The following LINS1 variants were observed in gnomAD, a reference collection of about 807,000 sequenced individuals.
LINS1 encodes the protein lines homolog 1, also known as protein Lines homolog 1.
A neutral mutation model predicts 41.6 loss-of-function variants in LINS1; 27 were observed. The observed-to-expected ratio is 0.65, with a 90% confidence interval of 0.48 to 0.89. The LOEUF is 0.89. Among genes scored for constraint, LINS1 ranks in the 40% least tolerant of loss-of-function variants. LINS1 has a pLI of 0.00. For missense variants in LINS1, 955 were observed against 884.1 expected, an observed-to-expected ratio of 1.08 and a Z score of -1.02; for synonymous variants, 336 against 312.9, an observed-to-expected ratio of 1.07 and a Z score of -0.78.
At chr15:100,597,371 A>C (rs924424557) in intron 1 of LINS1, among the ~76,000 whole-genome samples, 2 of 152,192 alleles carry the variant, frequency 1.3e-5, no homozygotes, top group Non-Finnish European at 2.9e-5. Context: ...ATAATTCTCA[A>C]ACCGTAGCAT....
intron 3 of LINS1, among the ~76,000 whole-genome samples, chr15:100,578,717 C>T (rs1278587721): frequency 2.0e-5 from 3 of 152,312 alleles, no homozygotes; most frequent in Non-Finnish European, 2.9e-5. Flanking sequence ...TATAAAGACA[C>T]ATGCACACAT....
intron 1 of LINS1, among the ~76,000 whole-genome samples, chr15:100,591,083 G>A (rs979692913): frequency 6.6e-6 from 1 of 152,062 alleles, no homozygotes; most frequent in Non-Finnish European, 1.5e-5. Context: ...AGGCTGAGGT[G>A]GGAGAATCAC....
At chr15:100,585,674 A>G (rs574851125) in intron 1 of LINS1, among the ~76,000 whole-genome samples, 2 of 152,288 alleles carry the variant, frequency 1.3e-5, no homozygotes, top group African/African-American at 4.8e-5. Flanking sequence ...GTATGTGTAC[A>G]TGTACATGTC....
chr15:100,593,972 T>C (rs1368221910), intron 1 of LINS1, among the ~76,000 whole-genome samples: 4 of 152,232 alleles, frequency 2.6e-5, no homozygotes, highest in Admixed American at 1.3e-4. Flanking sequence ...ACTGAGTTTT[T>C]AAAATTGTAT....
chr15:100,587,501 T>C (rs2038862005), intron 1 of LINS1, among the ~76,000 whole-genome samples: 2 of 152,204 alleles, frequency 1.3e-5, no homozygotes, highest in Non-Finnish European at 2.9e-5. Context: ...GGGTTGGTTT[T>C]CTGTTTGTTT....
chr15:100,572,469 A>C, intron 5 of LINS1: 2 of 1,062,028 alleles, frequency 1.9e-6, no homozygotes, highest in Non-Finnish European at 2.3e-6. Context: ...TCTTCAAAAT[A>C]ACAGAAAAAC....
chr15:100,598,495 A>G (rs2039340385), intron 1 of LINS1, among the ~76,000 whole-genome samples: 1 of 152,254 alleles, frequency 6.6e-6, no homozygotes, highest in African/African-American at 2.4e-5. Context: ...CGTATGACAC[A>G]TCTGACAACG....
rs756970834 is a variant in LINS1 at position 100,573,726 on chromosome 15, T to A, written c.1147A>T (p.Arg383Ter). ...LITSPDHVIL[R>*]AASLVIMKSL... ...TTCATTATAACTAAGCTTGCTGCTC[T>A]AAGGATCACATGATCTGGACTAGTG... The change falls in exon 5 of 7, where the codon AGA becomes TGA. Residue 383 changes from arginine to a stop codon, truncating the protein, a stop_gained. Coordinates refer to ENST00000314742, the MANE Select transcript of LINS1 (RefSeq NM_001040616.3). LOFTEE classifies it high-confidence loss of function. 1.2e-6 allele frequency: 2 copies of A among 1,613,842 alleles called. No individual in the cohort carries two copies. The highest frequency in any genetic ancestry group is 1.7e-6 in the Non-Finnish European group (2 of 1,179,708).
Position 100,580,906 on chromosome 15 carries a change from A to G in LINS1, c.-64T>C. ...CTCCAAGTTGTAAACATTAAATCTC[A>G]GAAGTGCAATGAATCTCTAAGAAGT... On this transcript the variant is annotated 5_prime_UTR_variant, in exon 2 of 7. Transcript: ENST00000314742. 2 of 1,438,082 alleles carry G rather than the reference A, an allele frequency of 1.4e-6. No individual in the cohort carries two copies. Among genetic ancestry groups the G allele is most frequent in the Non-Finnish European group, 1.9e-6 (2 of 1,044,954 alleles). The allele number at this position is 1,438,082 out of a possible 1,614,324, so 89.1% of individuals were successfully genotyped here.
Position 100,568,317 on chromosome 15 carries a change from A to G in LINS1, c.*921T>C, listed in dbSNP as rs1225563558. 6.6e-6 allele frequency: 1 copy of G among 152,258 alleles called. No individual in the cohort carries two copies. Among genetic ancestry groups the G allele is most frequent in the East Asian group, 1.9e-4 (1 of 5,204 alleles). 9.4% of individuals were successfully genotyped at this position (152,258 alleles called of 1,614,324 possible). On this transcript the variant is annotated 3_prime_UTR_variant, in exon 7 of 7. Coordinates refer to ENST00000314742, the MANE Select transcript of LINS1 (RefSeq NM_001040616.3). ...GACTCTCCTGGATTCAAGTCCATCAAGGACACATGAAAGTGGCCATATCTG... is the reference window on the plus strand; with the variant it reads ...GACTCTCCTGGATTCAAGTCCATCAGGGACACATGAAAGTGGCCATATCTG...
chr15:100,588,368 T>C (rs1313266606), intron 1 of LINS1, among the ~76,000 whole-genome samples: 1 of 152,260 alleles, frequency 6.6e-6, no homozygotes, highest in Admixed American at 6.5e-5. Flanking sequence ...TGTGTATTTA[T>C]ATGTGTTGTG....
At chr15:100,570,274 C>T (rs1221606986) in intron 6 of LINS1, 157 bp from the exon 7 acceptor site, 1 of 560,616 alleles carries the variant, frequency 1.8e-6, no homozygotes, top group African/African-American at 1.9e-5. Flanking sequence ...CATTCCCTTC[C>T]CCATAAGCTC....
chr15:100,600,789 T>C (rs189530985), intron 1 of LINS1, among the ~76,000 whole-genome samples: 5 of 152,334 alleles, frequency 3.3e-5, no homozygotes, highest in East Asian at 1.9e-4. Context: ...ACTGCACTTC[T>C]ACTCTGGACA....
chr15:100,594,220 GTTAT>G (rs1312111632), intron 1 of LINS1, among the ~76,000 whole-genome samples: 1 of 152,064 alleles, frequency 6.6e-6, no homozygotes, highest in East Asian at 1.9e-4. Context: ...TTATTGTATT[GTTAT>G]TTTTTATTTT....
chr15:100,601,951 C>T (rs1276110462), intron 1 of LINS1, among the ~76,000 whole-genome samples, 170 bp downstream of exon 1: 2 of 152,148 alleles, frequency 1.3e-5, no homozygotes, highest in Non-Finnish European at 2.9e-5. Context: ...GCGCCAAGAC[C>T]GGGCACTTGC....
At chr15:100,600,551 C>CAAAAAAAAA (rs56911211) in intron 1 of LINS1, among the ~76,000 whole-genome samples, 24,712 of 78,414 alleles carry the variant, frequency 0.32, 8,057 homozygotes, top group Non-Finnish European at 0.37. Context: ...TGCTGTTAAG[C>CAAAAAAAAA]AAAAAAAAAA....
chr15:100,590,977 G>C (rs954379186), intron 1 of LINS1, among the ~76,000 whole-genome samples: 7 of 152,074 alleles, frequency 4.6e-5, no homozygotes, highest in African/African-American at 1.7e-4. Flanking sequence ...ACAGGAGTTT[G>C]AGACCAGCCT....
At chr15:100,592,633 T>C (rs560860055) in intron 1 of LINS1, among the ~76,000 whole-genome samples, 1 of 152,348 alleles carries the variant, frequency 6.6e-6, no homozygotes, top group Non-Finnish European at 1.5e-5. Flanking sequence ...TCTGAAGCTG[T>C]CTTGAGCTGC....
At position 100,571,929 on chromosome 15, in the gene LINS1, G is replaced by C; in HGVS notation, c.1359C>G (p.Ala453=). 2 of 1,614,194 alleles carry C rather than the reference G, an allele frequency of 1.2e-6. No homozygotes were observed. The highest frequency in any genetic ancestry group is 1.7e-6 in the Non-Finnish European group (2 of 1,180,036). ...IEQDDDMLEA[A]KASLGIYLTL... is the part of the protein sequence containing the mutation. ...TTAAGTAGATGCCCAGTGATGCCTT[G>C]GCAGCCTCCAGCATGTCATCGTCTT... The change falls in exon 6 of 7, where the codon GCC becomes GCG. Residue 453 remains alanine, a synonymous_variant. Coordinates refer to ENST00000314742, the MANE Select transcript of LINS1 (RefSeq NM_001040616.3).
Sources: gnomAD v4.1 joint callset for allele counts (sites outside exome capture counted in the v4.1 genomes callset) on GRCh38, gnomAD v4.1.1 for gene constraint, MANE v1.5 for transcripts, NCBI Gene and HGNC (gene_info 2026-07-23, HGNC 2026-07-21) for gene names.